TRAP1: variants seen among roughly 807,000 people sequenced by gnomAD.
TRAP1 encodes heat shock protein 75 kDa, mitochondrial.
TRAP1 carries 102 observed loss-of-function variants against 89.1 expected under a neutral mutation model. The ratio of observed to expected loss-of-function variants is 1.15; its 90% CI spans 0.98 to 1.35. The LOEUF is 1.35. Among genes scored for constraint, TRAP1 ranks in the 40% most tolerant of loss-of-function variants. The pLI is 0.00. For synonymous variants in TRAP1, 508 were observed against 388.0 expected (o/e 1.31, Z -3.64); for missense variants, 1,256 against 945.3 (o/e 1.33, Z -4.31).
chr16:3,707,515 T>C (rs950167152), intron 1 of TRAP1, among the ~76,000 whole-genome samples: 4 of 151,398 alleles, frequency 2.6e-5, no homozygotes, highest in African/African-American at 9.7e-5. Context: ...ACAAAATATA[T>C]AACCCAAAAG....
At chr16:3,685,950 G>T in intron 4 of TRAP1, 46 bp downstream of exon 4, 1 of 1,598,146 alleles carries the variant, frequency 6.3e-7, no homozygotes, top group Non-Finnish European at 8.6e-7. Context: ...TCCTGTCCTT[G>T]CTGCATGGCC....
At chr16:3,715,926 A>G (rs2051592475) in intron 1 of TRAP1, among the ~76,000 whole-genome samples, 1 of 152,160 alleles carries the variant, frequency 6.6e-6, no homozygotes, top group Non-Finnish European at 1.5e-5. Context: ...GCAGTGGTGC[A>G]ATCTCAGCTC....
intron 1 of TRAP1, among the ~76,000 whole-genome samples, chr16:3,715,644 G>A (rs866688182): frequency 1.3e-5 from 2 of 151,886 alleles, no homozygotes; most frequent in South Asian, 4.1e-4. Context: ...AAAGAAACGA[G>A]AACCAAATTA....
chr16:3,664,392 G>A lies in TRAP1; in HGVS notation c.1451C>T (p.Ser484Leu), dbSNP rs757039118. 4 of 1,612,472 alleles carry A rather than the reference G, an allele frequency of 2.5e-6. No homozygotes were observed. The highest frequency in any genetic ancestry group is 3.4e-6 in the Non-Finnish European group (4 of 1,179,478). The change falls in exon 13 of 18, where the codon TCA (serine) becomes TTA (leucine). Residue 484 changes from serine (S) to leucine (L), a missense_variant. Physicochemically the swap from Ser to Leu is moderately radical, Grantham distance 145. Transcript: ENST00000246957. ...ALPSGQLTSL[S>L]EYASRMRAGT... Reference sequence around the variant, plus strand: ...GGCCCGCATGCGGCTGGCGTATTCTGAGAGGCTGGTTAGCTGCCCGGAGGG... The same window carrying A: ...GGCCCGCATGCGGCTGGCGTATTCTAAGAGGCTGGTTAGCTGCCCGGAGGG...
intron 11 of TRAP1, among the ~76,000 whole-genome samples, chr16:3,671,491 C>T (rs899449226): frequency 2.6e-5 from 4 of 152,148 alleles, no homozygotes; most frequent in African/African-American, 9.7e-5. Context: ...CTCCCCCTAT[C>T]CAGACTCCAG....
chr16:3,671,233 G>A (rs1022817646), intron 11 of TRAP1, among the ~76,000 whole-genome samples: 3 of 152,170 alleles, frequency 2.0e-5, no homozygotes, highest in African/African-American at 4.8e-5. Context: ...TCATCTCTAG[G>A]TGAGAGCACA....
intron 3 of TRAP1, chr16:3,686,881 G>C (rs1273512629): frequency 6.6e-6 from 1 of 152,236 alleles, no homozygotes; most frequent in African/African-American, 2.4e-5. Context: ...TGAGGCAGGA[G>C]AATCGCTTCA....
rs1181110685 is a variant in TRAP1 at position 3,710,879 on chromosome 16, A to AT, written c.88+6541dup. Among the ~76,000 whole-genome samples the AT allele has an allele frequency of 3.8e-3, 473 of 125,790 alleles. 7 individuals carry two copies. Among genetic ancestry groups the AT allele is most frequent in the South Asian group, 5.8e-3 (23 of 3,968 alleles). The allele number at this position is 125,790 out of a possible 152,430, so 82.5% of individuals were successfully genotyped here. On this transcript the variant is annotated intron_variant, in intron 1 of 17. Coordinates refer to ENST00000246957, the MANE Select transcript of TRAP1 (RefSeq NM_016292.3). ...TGTGTATATATATATATATATATAT[A>AT]TTTTTTTTTTTGAGACACTGTCACT... is the stretch of plus-strand genomic sequence containing the variant.
In TRAP1 at chr16:3,679,756, A is replaced by T; in HGVS notation, c.506T>A (p.Val169Glu). 6.2e-7 allele frequency: 1 copy of T among 1,614,120 alleles called. No individual in the cohort carries two copies. Among genetic ancestry groups the T allele is most frequent in the South Asian group, 1.1e-5 (1 of 91,086 alleles). Residue 169 changes from valine to glutamate, a missense_variant, in exon 5 of 18, where the codon GTG becomes GAG. By Grantham distance (121) the Val-to-Glu change is moderately radical. Coordinates refer to ENST00000246957, the MANE Select transcript of TRAP1 (RefSeq NM_016292.3). ...TCTGGCAATCGTCCCCAGGTTGGAC[A>T]CCAGCTCTTCCTGTGTCATCCCGAT... ...TGIGMTQEEL[V>E]SNLGTIARSG...
intron 1 of TRAP1, among the ~76,000 whole-genome samples, chr16:3,714,262 C>T (rs43223): frequency 2.0e-5 from 3 of 151,998 alleles, no homozygotes; most frequent in African/African-American, 4.8e-5. Context: ...TTTTCTTTGA[C>T]GACTCGGGGG....
intron 1 of TRAP1, among the ~76,000 whole-genome samples, chr16:3,716,185 A>G (rs1167397815): frequency 6.6e-6 from 1 of 152,198 alleles, no homozygotes; most frequent in African/African-American, 2.4e-5. Flanking sequence ...CTGGTTTTGA[A>G]AAGACATAAG....
At position 3,658,810 on chromosome 16, in the gene TRAP1, G is replaced by T; in HGVS notation, c.1996C>A (p.Gln666Lys). Reference protein sequence around the residue: ...QLRASEPGLAQLLVDQIYENA... With the variant: ...QLRASEPGLAKLLVDQIYENA... ...GCACTCACCTGATCCACCAGCAGCT[G>T]AGCCAGGCCAGGCTCGCTTGCGCGC... The change falls in exon 17 of 18, where the codon CAG becomes AAG. Residue 666 changes from glutamine (Q) to lysine (K), a missense_variant. Physicochemically the swap from Gln to Lys is moderately conservative, Grantham distance 53. Coordinates refer to ENST00000246957, the MANE Select transcript of TRAP1 (RefSeq NM_016292.3). 1 of 1,613,854 alleles carries T rather than the reference G, an allele frequency of 6.2e-7. No individual in the cohort carries two copies. Among genetic ancestry groups the T allele is most frequent in the Non-Finnish European group, 8.5e-7 (1 of 1,179,978 alleles).
chr16:3,695,325 C>CT (rs1316726848), intron 1 of TRAP1, among the ~76,000 whole-genome samples: 2 of 152,182 alleles, frequency 1.3e-5, no homozygotes, highest in East Asian at 3.9e-4. Context: ...CCACATACAT[C>CT]TTTTCGTATG....
At chr16:3,664,488 A>G (rs760293721) in intron 12 of TRAP1, 29 bp from the exon 13 acceptor site, 1 of 1,587,442 alleles carries the variant, frequency 6.3e-7, no homozygotes, top group Non-Finnish European at 8.5e-7. Flanking sequence ...GTCACCACTT[A>G]TTCCAGGCCC....
chr16:3,710,063 T>C (rs1033604315), intron 1 of TRAP1, among the ~76,000 whole-genome samples: 1 of 152,256 alleles, frequency 6.6e-6, no homozygotes, highest in Non-Finnish European at 1.5e-5. Flanking sequence ...AGGTTTCCTG[T>C]GTTCCAGAAC....
At chr16:3,666,579 C>T (rs1370067977) in intron 11 of TRAP1, among the ~76,000 whole-genome samples, 1 of 151,688 alleles carries the variant, frequency 6.6e-6, no homozygotes, top group African/African-American at 2.4e-5. Context: ...AAAACTGCAT[C>T]TTTTAATAAT....
At chr16:3,717,015 G>A (rs1413323325) in intron 1 of TRAP1, among the ~76,000 whole-genome samples, 1 of 152,228 alleles carries the variant, frequency 6.6e-6, no homozygotes, top group Non-Finnish European at 1.5e-5. Context: ...CACGATCCAT[G>A]GAACTAGCAC....
intron 1 of TRAP1, among the ~76,000 whole-genome samples, chr16:3,708,466 A>G (rs2051481212): frequency 6.6e-6 from 1 of 151,982 alleles, no homozygotes; most frequent in African/African-American, 2.4e-5. Context: ...GTGAAATTCC[A>G]TCTCTACTAA....
At chr16:3,663,243 C>G in intron 14 of TRAP1, 181 bp downstream of exon 14, 1 of 790,154 alleles carries the variant, frequency 1.3e-6, no homozygotes, top group Non-Finnish European at 2.0e-6. Flanking sequence ...GGACAGACCC[C>G]TGATATCTAA....
Sources: gnomAD v4.1 joint callset for allele counts (sites outside exome capture counted in the v4.1 genomes callset) on GRCh38, gnomAD v4.1.1 for gene constraint, MANE v1.5 for transcripts, NCBI Gene and HGNC (gene_info 2026-07-23, HGNC 2026-07-21) for gene names.